The following TSPAN11 variants were observed in gnomAD, a reference collection of about 807,000 sequenced individuals.
TSPAN11 encodes the protein tetraspanin 11.
In TSPAN11, 29 loss-of-function variants were observed where a neutral mutation model predicts 32.9. The ratio of observed to expected loss-of-function variants is 0.88; its 90% confidence interval spans 0.66 to 1.20. The LOEUF (loss-of-function observed/expected upper bound fraction) is 1.20, where lower values mean the gene tolerates loss of function less well. TSPAN11 is among the 50% of genes most tolerant of loss of function. The pLI, the probability that TSPAN11 is intolerant of heterozygous loss-of-function variation, is 0.00. For synonymous variants in TSPAN11, 140 were observed against 141.3 expected (o/e 0.99, Z 0.07); for missense variants, 283 against 329.1 (o/e 0.86, Z 1.08).
Position 30,983,124 on chromosome 12 carries a change from G to A in TSPAN11, c.676G>A (p.Val226Met), listed in dbSNP as rs764272069. Reference sequence around the variant, plus strand: ...CGACCACCTGCTGCTTATGGGGGCAGTGGGCATCGGGGTGGCCTGCCTGCA... The same window carrying A: ...CGACCACCTGCTGCTTATGGGGGCAATGGGCATCGGGGTGGCCTGCCTGCA... Reference protein sequence around the residue: ...LADHLLLMGAVGIGVACLQIC... With the variant: ...LADHLLLMGAMGIGVACLQIC... Residue 226 changes from valine to methionine, a missense_variant, in exon 7 of 8, where the codon GTG becomes ATG. Physicochemically the swap from Val to Met is conservative, Grantham distance 21. Coordinates refer to ENST00000546076, the MANE Select transcript of TSPAN11 (RefSeq NM_001370302.1). The A allele has an allele frequency of 1.9e-6, 3 of 1,613,190 alleles. No individual in the cohort carries two copies. The highest frequency in any genetic ancestry group is 4.5e-5 in the East Asian group (2 of 44,886).
intron 4 of TSPAN11, 49 bp downstream of exon 4, chr12:30,978,684 G>C: frequency 6.3e-7 from 1 of 1,593,690 alleles, no homozygotes; most frequent in East Asian, 2.2e-5. Context: ...TCCTGAAGAA[G>C]CAATGTGGGT....
At position 30,978,560 on chromosome 12, in the gene TSPAN11, G is replaced by A. The variant is rs1344761739; in HGVS notation, c.277-1G>A. ...TGACCGTCCTCTCTCTTTGCTGCTA[G>A]TATTTCTGCCTGTTGCTCGTCATCT... is the stretch of plus-strand genomic sequence containing the variant. On this transcript the variant is annotated splice_acceptor_variant, in intron 3 of 7. Transcript: ENST00000546076. LOFTEE classifies it high-confidence loss of function. 4 of 1,614,234 alleles carry A rather than the reference G, an allele frequency of 2.5e-6. No individual in the cohort carries two copies. The South Asian group carries it at 3.3e-5, about 13-fold the overall frequency.
chr12:30,978,447 C>A, intron 3 of TSPAN11, 114 bp from the exon 4 acceptor site: 1 of 1,001,982 alleles, frequency 1.0e-6, no homozygotes, highest in Non-Finnish European at 1.5e-6. Context: ...AGGAAGATGG[C>A]ATGGATGATA....
chr12:30,992,234 C>A lies in TSPAN11; in HGVS notation c.*319C>A, dbSNP rs141238401. On this transcript the variant is annotated 3_prime_UTR_variant, in exon 8 of 8. Transcript: ENST00000546076. Reference sequence around the variant, plus strand: ...ACTACGGGAGGGTGGCGGTTGGGTTCTCTGCTCCCTCCCAGCTCCTGAACC... The same window carrying A: ...ACTACGGGAGGGTGGCGGTTGGGTTATCTGCTCCCTCCCAGCTCCTGAACC... 9.1e-3 allele frequency: 3,878 copies of A among 425,736 alleles called. 207 individuals carry two copies. The Admixed American group carries it at 0.096, about 10-fold the overall frequency. 26.4% of individuals were successfully genotyped at this position (425,736 alleles called of 1,614,324 possible).
rs1423683857 is a variant in TSPAN11 at position 30,957,753 on chromosome 12, T to C, written c.84+3678T>C. ...CCTCCTTCCCTCCCTCCCTCCCTCCTTCCTTCCTTCCTTCCTTCCTTCCCT... is the reference window on the plus strand; with the variant it reads ...CCTCCTTCCCTCCCTCCCTCCCTCCCTCCTTCCTTCCTTCCTTCCTTCCCT... On this transcript the variant is annotated intron_variant, in intron 2 of 7. Coordinates refer to ENST00000546076, the MANE Select transcript of TSPAN11 (RefSeq NM_001370302.1). Among the ~76,000 whole-genome samples, 20 of 17,538 alleles carry C rather than the reference T, an allele frequency of 1.1e-3. 1 individual carries two copies. Among genetic ancestry groups the C allele is most frequent in the South Asian group, 4.9e-3 (1 of 204 alleles). The allele number at this position is 17,538 out of a possible 152,430, so 11.5% of individuals were successfully genotyped here. A position where few individuals can be genotyped will look rare whatever the true frequency, so the allele number is the denominator to read the frequency against.
chr12:30,948,854 C>T lies in TSPAN11; in HGVS notation c.-11-5127C>T, dbSNP rs368439051. ...AGTTTTCTACTGCATTGTCAGGCTG[C>T]GAATTTCCCAAACTCTCATGCTCTG... On this transcript the variant is annotated intron_variant, in intron 1 of 7. Coordinates refer to ENST00000546076, the MANE Select transcript of TSPAN11 (RefSeq NM_001370302.1). 4.5e-4 allele frequency among the ~76,000 whole-genome samples: 68 copies of T among 152,266 alleles called. 1 individual carries two copies. Among genetic ancestry groups the T allele is most frequent in the African/African-American group, 1.5e-3 (61 of 41,554 alleles).
chr12:30,952,032 T>C (rs1938392621), intron 1 of TSPAN11, among the ~76,000 whole-genome samples: 2 of 152,236 alleles, frequency 1.3e-5, no homozygotes, highest in South Asian at 4.1e-4. Flanking sequence ...AATTTTACCA[T>C]TAGAATGGTT....
At chr12:30,927,113 C>A in intron 1 of TSPAN11, 2 of 1,099,436 alleles carry the variant, frequency 1.8e-6, no homozygotes, top group Non-Finnish European at 2.4e-6. Context: ...CTGAGGGCCT[C>A]GTGCCGTCCA....
At position 30,964,018 on chromosome 12, in the gene TSPAN11, G is replaced by T. The variant is rs978058042; in HGVS notation, c.276+1G>T. 3 of 1,612,572 alleles carry T rather than the reference G, an allele frequency of 1.9e-6. No individual in the cohort carries two copies. Among genetic ancestry groups the T allele is most frequent in the Non-Finnish European group, 2.5e-6 (3 of 1,179,718 alleles). On this transcript the variant is annotated splice_donor_variant, in intron 3 of 7. Coordinates refer to ENST00000546076, the MANE Select transcript of TSPAN11 (RefSeq NM_001370302.1). LOFTEE classifies it high-confidence loss of function. Reference sequence around the variant, plus strand: ...GGAGCGGAAGGGCTGCCTCTCCACGGTCAGTGCCCGCCCTGTGCTCTGCAG... The same window carrying T: ...GGAGCGGAAGGGCTGCCTCTCCACGTTCAGTGCCCGCCCTGTGCTCTGCAG...
intron 3 of TSPAN11, among the ~76,000 whole-genome samples, chr12:30,974,368 G>C (rs1938916592): frequency 1.3e-5 from 2 of 152,206 alleles, no homozygotes; most frequent in South Asian, 4.1e-4. Context: ...GGGATGCTTA[G>C]CATCCGGGCC....
intron 3 of TSPAN11, among the ~76,000 whole-genome samples, chr12:30,966,377 T>G (rs1433993615): frequency 6.6e-6 from 1 of 152,114 alleles, no homozygotes; most frequent in Non-Finnish European, 1.5e-5. Context: ...GTGCGCACAG[T>G]CTGCATGTAG....
At chr12:31,010,284 G>T in the TSPAN11 span, among the ~76,000 whole-genome samples, 1 of 152,204 alleles carries the variant, frequency 6.6e-6, no homozygotes, top group African/African-American at 2.4e-5. Context: ...TACCTTGGGA[G>T]CTGACCATTT....
the TSPAN11 span, among the ~76,000 whole-genome samples, chr12:31,009,388 C>T: frequency 1.3e-5 from 2 of 152,230 alleles, no homozygotes; most frequent in Non-Finnish European, 2.9e-5. Context: ...TGACCTTTTG[C>T]CGGGTGCCTG....
At chr12:30,957,228 ACCCCC>A (rs56296744) in intron 2 of TSPAN11, among the ~76,000 whole-genome samples, 48 of 107,434 alleles carry the variant, frequency 4.5e-4, no homozygotes, top group Middle Eastern at 5.6e-3. Context: ...ATGGCCTGGG[ACCCCC>A]CCCCCCCCCA....
At chr12:31,000,108 G>A (rs920201876), downstream of TSPAN11, among the ~76,000 whole-genome samples, 2 of 152,202 alleles carry the variant, frequency 1.3e-5, no homozygotes, top group African/African-American at 2.4e-5. Context: ...CCTCTCAATT[G>A]ATGAATGCTT....
At chr12:30,950,425 C>T (rs1039383403) in intron 1 of TSPAN11, among the ~76,000 whole-genome samples, 2 of 152,036 alleles carry the variant, frequency 1.3e-5, no homozygotes, top group Non-Finnish European at 2.9e-5. Context: ...AATAAATTAG[C>T]GGGGGCAGTT....
At chr12:30,933,849 A>T (rs1359567088) in intron 1 of TSPAN11, among the ~76,000 whole-genome samples, 1 of 152,068 alleles carries the variant, frequency 6.6e-6, no homozygotes, top group South Asian at 2.1e-4. Context: ...AGTTGGGATC[A>T]TTGTTGATTT....
At chr12:31,000,732 G>A (rs1388995825), downstream of TSPAN11, among the ~76,000 whole-genome samples, 2 of 152,208 alleles carry the variant, frequency 1.3e-5, no homozygotes, top group African/African-American at 2.4e-5. Flanking sequence ...CCTCGATAAT[G>A]TTTTGCAAGC....
chr12:31,005,353 C>G, the TSPAN11 span, among the ~76,000 whole-genome samples: 2 of 152,348 alleles, frequency 1.3e-5, no homozygotes, highest in East Asian at 1.9e-4. Context: ...CCAACTCCCC[C>G]ACAGTGGCCA....
Sources: gnomAD v4.1 joint callset for allele counts (sites outside exome capture counted in the v4.1 genomes callset) on GRCh38, gnomAD v4.1.1 for gene constraint, MANE v1.5 for transcripts, NCBI Gene and HGNC (gene_info 2026-07-23, HGNC 2026-07-21) for gene names.